The following EXOC6 variants were observed in gnomAD, a reference collection of about 807,000 sequenced individuals.
EXOC6 encodes the protein exocyst complex component 6.
In EXOC6, 60 loss-of-function variants were observed where a neutral mutation model predicts 112.5. That is an observed-to-expected ratio of 0.53 (90% CI 0.43 to 0.66). EXOC6 has a LOEUF of 0.66. Among genes scored for constraint, EXOC6 ranks in the 30% least tolerant of loss-of-function variants. The pLI is 0.00. For missense variants in EXOC6, 855 were observed against 957.1 expected (o/e 0.89, Z 1.41); for synonymous variants, 295 against 308.0 (o/e 0.96, Z 0.44).
intron 20 of EXOC6, among the ~76,000 whole-genome samples, chr10:93,022,900 A>T (rs755123057): frequency 5.3e-5 from 8 of 151,982 alleles, no homozygotes; most frequent in Admixed American, 2.6e-4. Flanking sequence ...TATTGCTTTA[A>T]CACTTTTATA....
intron 6 of EXOC6, 46 bp from the exon 7 acceptor site, chr10:92,915,712 C>T: frequency 7.2e-7 from 1 of 1,386,616 alleles, no homozygotes; most frequent in Non-Finnish European, 9.5e-7. Flanking sequence ...CAATTTTGAC[C>T]ATAATCAGTT....
intron 5 of EXOC6, chr10:92,901,547 A>G (rs1194657892): frequency 6.7e-6 from 1 of 149,712 alleles, no homozygotes; most frequent in Non-Finnish European, 1.5e-5. Flanking sequence ...TCTCAAGCCA[A>G]TTCCTGTGTC....
chr10:92,905,096 G>A (rs1850371134), intron 5 of EXOC6, among the ~76,000 whole-genome samples: 2 of 151,942 alleles, frequency 1.3e-5, no homozygotes, highest in Admixed American at 6.6e-5. Flanking sequence ...AACTGTATTT[G>A]TGTATTTCTG....
intron 20 of EXOC6, among the ~76,000 whole-genome samples, chr10:93,022,399 G>C (rs1426069880): frequency 6.6e-6 from 1 of 152,100 alleles, no homozygotes; most frequent in Non-Finnish European, 1.5e-5. Flanking sequence ...CAGTGGAAGG[G>C]ATCAGTGGAT....
At chr10:92,863,756 C>CA (rs531061207) in intron 1 of EXOC6, among the ~76,000 whole-genome samples, 1,621 of 150,196 alleles carry the variant, frequency 0.011, 32 homozygotes, top group African/African-American at 0.037. Context: ...ACTAAAAATA[C>CA]AAAAAAAAAT....
chr10:92,878,188 G>A (rs1848771514), intron 1 of EXOC6: 1 of 152,334 alleles, frequency 6.6e-6, no homozygotes, highest in Non-Finnish European at 1.5e-5. Context: ...AGTAATTGAA[G>A]TTGCTACAGT....
chr10:92,885,425 G>T (rs1849165959), intron 1 of EXOC6, among the ~76,000 whole-genome samples: 1 of 151,602 alleles, frequency 6.6e-6, no homozygotes, highest in Non-Finnish European at 1.5e-5. Flanking sequence ...TGTTGCCCAG[G>T]CTGGAGTGCA....
At chr10:93,033,367 C>A (rs938196908) in intron 20 of EXOC6, among the ~76,000 whole-genome samples, 16 of 152,148 alleles carry the variant, frequency 1.1e-4, no homozygotes, top group African/African-American at 3.9e-4. Flanking sequence ...TTTCTGCTTT[C>A]AGTATTACAG....
chr10:92,851,708 A>G (rs1334163417), intron 1 of EXOC6, among the ~76,000 whole-genome samples: 1 of 152,022 alleles, frequency 6.6e-6, no homozygotes, highest in Non-Finnish European at 1.5e-5. Flanking sequence ...TAACCAAACA[A>G]ACAAAAAAAC....
At position 93,048,493 on chromosome 10, in the gene EXOC6, C is replaced by T. The variant is rs572623894; in HGVS notation, c.2170-8431C>T. Among the ~76,000 whole-genome samples, 122 of 151,882 alleles carry T rather than the reference C, an allele frequency of 8.0e-4. 3 individuals carry two copies. The highest frequency in any genetic ancestry group is 2.5e-3 in the African/African-American group (104 of 41,442). On this transcript the variant is annotated intron_variant, in intron 20 of 21. Transcript: ENST00000260762. Reference sequence around the variant, plus strand: ...GTCTCTAATACCTAATGCTAAATGACGAGTTAATGGGTGCAGCACACCAGC... The same window carrying T: ...GTCTCTAATACCTAATGCTAAATGATGAGTTAATGGGTGCAGCACACCAGC...
upstream of EXOC6, among the ~76,000 whole-genome samples, chr10:92,847,504 T>A (rs547832940): frequency 6.6e-6 from 1 of 152,320 alleles, no homozygotes; most frequent in Admixed American, 6.5e-5. Flanking sequence ...AAGAGCTTGG[T>A]TGACTCAAAG....
intron 19 of EXOC6, among the ~76,000 whole-genome samples, chr10:93,004,468 C>G (rs1843889917): frequency 6.6e-6 from 1 of 152,144 alleles, no homozygotes; most frequent in Non-Finnish European, 1.5e-5. Flanking sequence ...CATTTAACTC[C>G]TTGATCTAAA....
chr10:93,029,800 A>G (rs1021490412), intron 20 of EXOC6, among the ~76,000 whole-genome samples: 5 of 152,110 alleles, frequency 3.3e-5, no homozygotes, highest in Non-Finnish European at 4.4e-5. Flanking sequence ...GTTGATTTTT[A>G]TGCATAGTTT....
intron 1 of EXOC6, among the ~76,000 whole-genome samples, chr10:92,836,960 G>A (rs1279102581): frequency 1.3e-5 from 2 of 152,092 alleles, no homozygotes; most frequent in Non-Finnish European, 2.9e-5. Flanking sequence ...GCAAGGCATA[G>A]CTCTAATGCT....
chr10:93,041,390 GTTTA>G (rs1292264887), intron 20 of EXOC6, among the ~76,000 whole-genome samples: 3 of 151,988 alleles, frequency 2.0e-5, no homozygotes, highest in East Asian at 1.9e-4. Flanking sequence ...TTGTTTGTTT[GTTTA>G]TTTATTTATT....
chr10:92,997,689 G>T, intron 19 of EXOC6, 74 bp downstream of exon 19: 1 of 1,368,642 alleles, frequency 7.3e-7, no homozygotes, highest in Non-Finnish European at 9.8e-7. Context: ...AATGTATTTA[G>T]CAGGATAGTT....
chr10:92,880,415 C>T (rs950657622), intron 1 of EXOC6, among the ~76,000 whole-genome samples: 1 of 151,952 alleles, frequency 6.6e-6, no homozygotes, highest in African/African-American at 2.4e-5. Context: ...CCCCCAGATA[C>T]AGAGGGCCGA....
At chr10:92,903,005 A>G (rs962213059) in intron 5 of EXOC6, among the ~76,000 whole-genome samples, 1 of 152,144 alleles carries the variant, frequency 6.6e-6, no homozygotes, top group African/African-American at 2.4e-5. Flanking sequence ...AAATTAAGGT[A>G]CAAGTCTTTT....
intron 1 of EXOC6, among the ~76,000 whole-genome samples, chr10:92,882,083 T>A (rs1848992206): frequency 6.6e-6 from 1 of 152,218 alleles, no homozygotes. Flanking sequence ...TTGTTATTCA[T>A]GTCTGCTGTA....
Sources: gnomAD v4.1 joint callset for allele counts (sites outside exome capture counted in the v4.1 genomes callset) on GRCh38, gnomAD v4.1.1 for gene constraint, MANE v1.5 for transcripts, NCBI Gene and HGNC (gene_info 2026-07-23, HGNC 2026-07-21) for gene names.